The following GRM7 variants were observed in gnomAD, a reference collection of about 807,000 sequenced individuals.
GRM7 encodes the protein metabotropic glutamate receptor 7.
A neutral mutation model predicts 84.5 loss-of-function variants in GRM7; 35 were observed. The ratio of observed to expected loss-of-function variants is 0.41; its 90% CI spans 0.32 to 0.55. GRM7 has a LOEUF of 0.55. Among genes scored for constraint, GRM7 ranks in the 20% least tolerant of loss-of-function variants. The pLI, the probability that GRM7 is intolerant of heterozygous loss-of-function variation, is 0.19. For missense variants in GRM7, 1,003 were observed against 1,194.6 expected, an observed-to-expected ratio of 0.84 and a Z score of 2.36; for synonymous variants, 487 against 455.1, an observed-to-expected ratio of 1.07 and a Z score of -0.89.
chr3:7,606,627 G>C (rs1049230509), intron 8 of GRM7, among the ~76,000 whole-genome samples: 2 of 152,068 alleles, frequency 1.3e-5, no homozygotes, highest in African/African-American at 4.8e-5. Context: ...TCTGCCTCCT[G>C]GGTTAAAGCG....
chr3:6,908,482 A>G (rs1194689390), intron 1 of GRM7, among the ~76,000 whole-genome samples: 1 of 152,156 alleles, frequency 6.6e-6, no homozygotes, highest in African/African-American at 2.4e-5. Flanking sequence ...AGATGAAAAA[A>G]CTGAGGTTCA....
chr3:6,995,262 G>T (rs990088640), intron 1 of GRM7, among the ~76,000 whole-genome samples: 5 of 152,144 alleles, frequency 3.3e-5, no homozygotes, highest in African/African-American at 1.2e-4. Flanking sequence ...AGCTTTGTAG[G>T]CAACATGATC....
At chr3:7,654,649 G>A (rs1699100469) in intron 8 of GRM7, among the ~76,000 whole-genome samples, 1 of 152,186 alleles carries the variant, frequency 6.6e-6, no homozygotes, top group African/African-American at 2.4e-5. Flanking sequence ...TCAGCTCTGT[G>A]AACTTCTAAA....
chr3:7,170,102 C>T (rs980303032), intron 2 of GRM7, among the ~76,000 whole-genome samples: 58 of 152,166 alleles, frequency 3.8e-4, no homozygotes, highest in Admixed American at 3.3e-3. Flanking sequence ...CTGGGGACCA[C>T]ACTTTGAGAG....
rs574087178 is a variant in GRM7 at position 7,544,633 on chromosome 3, C to T, written c.1516-33789C>T. ...GATCACTCCCAAGTCTCGACTTATA[C>T]AGGACTCACAGCTACCTGTTTTCAT... On this transcript the variant is annotated intron_variant, in intron 7 of 9. Transcript: ENST00000357716. Among the ~76,000 whole-genome samples the T allele has an allele frequency of 4.3e-3, 649 of 152,270 alleles. 3 individuals are homozygous for T. Among genetic ancestry groups the T allele is most frequent in the Middle Eastern group, 0.014 (4 of 294 alleles).
intron 4 of GRM7, among the ~76,000 whole-genome samples, chr3:7,358,965 C>A (rs6443107): frequency 1 from 150,304 of 150,386 alleles, 75,111 homozygotes; most frequent in Middle Eastern, 1. Context: ...TAAAAATACC[C>A]AAACTTACCT....
At chr3:7,287,831 T>G (rs2125005734) in intron 2 of GRM7, among the ~76,000 whole-genome samples, 1 of 152,222 alleles carries the variant, frequency 6.6e-6, no homozygotes, top group Non-Finnish European at 1.5e-5. Context: ...CTAATGTATC[T>G]TAGCAGAGAC....
At chr3:7,363,330 C>T (rs1018438868) in intron 4 of GRM7, among the ~76,000 whole-genome samples, 1 of 151,854 alleles carries the variant, frequency 6.6e-6, no homozygotes, top group African/African-American at 2.4e-5. Context: ...CATGAGATCA[C>T]AAGAAGTCAC....
intron 7 of GRM7, among the ~76,000 whole-genome samples, chr3:7,501,873 C>T (rs1333407619): frequency 1.3e-5 from 2 of 152,160 alleles, no homozygotes. Flanking sequence ...GTTCTGCTGT[C>T]CCACAGTCAT....
At chr3:7,104,141 TTCTC>T (rs1043400781) in intron 1 of GRM7, among the ~76,000 whole-genome samples, 10 of 150,658 alleles carry the variant, frequency 6.6e-5, no homozygotes, top group Admixed American at 5.3e-4. Context: ...GTGAGAAAAT[TTCTC>T]TCTCTCTCTT....
intron 1 of GRM7, among the ~76,000 whole-genome samples, chr3:6,958,898 G>C (rs1315825799): frequency 6.6e-6 from 1 of 152,106 alleles, no homozygotes; most frequent in East Asian, 1.9e-4. Flanking sequence ...ATGCAGATAA[G>C]TGAAAGCATA....
At chr3:7,422,017 C>G (rs1459616143) in intron 5 of GRM7, among the ~76,000 whole-genome samples, 1 of 151,526 alleles carries the variant, frequency 6.6e-6, no homozygotes, top group African/African-American at 2.4e-5. Context: ...ATCACTTGAG[C>G]CCAGGTAGTT....
chr3:7,313,530 T>C (rs1443934769), intron 4 of GRM7, among the ~76,000 whole-genome samples: 1 of 152,188 alleles, frequency 6.6e-6, no homozygotes, highest in Non-Finnish European at 1.5e-5. Context: ...CACCTCTGTA[T>C]ACCCAGCACT....
intron 8 of GRM7, among the ~76,000 whole-genome samples, chr3:7,602,080 C>CAAAA (rs562646639): frequency 1.8e-4 from 17 of 93,782 alleles, no homozygotes; most frequent in East Asian, 3.7e-4. Flanking sequence ...ATTACCAGGA[C>CAAAA]AAAAAAAAAA....
At position 7,704,409 on chromosome 3, in the gene GRM7, C is replaced by T. The variant is rs180993435; in HGVS notation, c.2698+24114C>T. Among the ~76,000 whole-genome samples the T allele has an allele frequency of 3.1e-3, 476 of 152,160 alleles. 7 individuals are homozygous for T. The highest frequency in any genetic ancestry group is 0.021 in the Middle Eastern group (6 of 292). On this transcript the variant is annotated intron_variant, in intron 9 of 9. Transcript: ENST00000357716. The stretch of plus-strand genomic sequence containing the variant: ...TTATAGAGAACATAAATGAAAAACA[C>T]TGAGTGAATGATAAAAAGTTTGAGA...
intron 1 of GRM7, among the ~76,000 whole-genome samples, chr3:7,081,682 G>T (rs1405177299): frequency 6.6e-6 from 1 of 152,082 alleles, no homozygotes; most frequent in Non-Finnish European, 1.5e-5. Context: ...TAGGTCTCTT[G>T]TACTAAACAG....
chr3:7,539,189 C>T (rs1196427594), intron 7 of GRM7, among the ~76,000 whole-genome samples: 3 of 152,074 alleles, frequency 2.0e-5, no homozygotes, highest in African/African-American at 7.2e-5. Flanking sequence ...ACTACAATAG[C>T]TGGGTGGGCT....
At chr3:7,630,514 G>A (rs1697818778) in intron 8 of GRM7, among the ~76,000 whole-genome samples, 1 of 152,138 alleles carries the variant, frequency 6.6e-6, no homozygotes, top group Admixed American at 6.5e-5. Flanking sequence ...AAGATAACAA[G>A]GGGAAAGGGA....
intron 8 of GRM7, among the ~76,000 whole-genome samples, chr3:7,655,737 C>A (rs949109142): frequency 6.6e-6 from 1 of 152,054 alleles, no homozygotes; most frequent in Non-Finnish European, 1.5e-5. Context: ...AGGAAAGAAA[C>A]CCCCTATGAT....
Sources: gnomAD v4.1 joint callset for allele counts (sites outside exome capture counted in the v4.1 genomes callset) on GRCh38, gnomAD v4.1.1 for gene constraint, MANE v1.5 for transcripts, NCBI Gene and HGNC (gene_info 2026-07-23, HGNC 2026-07-21) for gene names.